The following PCDH9 variants were observed in gnomAD, a reference collection of about 807,000 sequenced individuals.
PCDH9 encodes the protein protocadherin 9.
In PCDH9, 24 loss-of-function variants were observed where a neutral mutation model predicts 70.6. The ratio of observed to expected loss-of-function variants is 0.34; its 90% CI spans 0.25 to 0.48. The LOEUF (loss-of-function observed/expected upper bound fraction) is 0.48. Among genes scored for constraint, PCDH9 ranks in the 20% least tolerant of loss-of-function variants. PCDH9 has a pLI of 0.99. For missense variants in PCDH9, 1,281 were observed against 1,503.6 expected, an observed-to-expected ratio of 0.85 and a Z score of 2.45; for synonymous variants, 562 against 558.5, an observed-to-expected ratio of 1.01 and a Z score of -0.09.
At chr13:66,800,757 C>T (rs1439359460) in intron 3 of PCDH9, among the ~76,000 whole-genome samples, 3 of 152,074 alleles carry the variant, frequency 2.0e-5, no homozygotes, top group Non-Finnish European at 4.4e-5. Context: ...GATTTTATAT[C>T]ACAATATAAG....
intron 4 of PCDH9, among the ~76,000 whole-genome samples, chr13:66,326,188 C>T (rs1427225011): frequency 6.6e-6 from 1 of 152,004 alleles, no homozygotes; most frequent in African/African-American, 2.4e-5. Context: ...TGGCTTAAAC[C>T]AGGACACAGG....
intron 2 of PCDH9, among the ~76,000 whole-genome samples, chr13:67,075,083 A>T (rs2085851966): frequency 6.6e-6 from 1 of 152,014 alleles, no homozygotes; most frequent in Non-Finnish European, 1.5e-5. Context: ...GTGACAAAAA[A>T]AAAAATGCAA....
chr13:67,067,372 T>A (rs1175729642), intron 2 of PCDH9, among the ~76,000 whole-genome samples: 1 of 152,140 alleles, frequency 6.6e-6, no homozygotes, highest in East Asian at 1.9e-4. Flanking sequence ...ATTGTATCAT[T>A]TTGATATGTA....
Position 66,872,879 on chromosome 13 carries a change from T to C in PCDH9, c.3138+30625A>G, listed in dbSNP as rs746597321. Among the ~76,000 whole-genome samples the C allele has an allele frequency of 5.9e-5, 9 of 152,208 alleles. No individual in the cohort carries two copies. In the South Asian group the frequency reaches 1.9e-3, roughly 32 times the overall value. On this transcript the variant is annotated intron_variant, in intron 3 of 4. Transcript: ENST00000377865. ...TTTTTGAGAAACAATACCTGTAAAC[T>C]TGGATTGTAGTGTCTGAAAGGATGA...
chr13:66,662,215 G>A (rs2078019342), intron 3 of PCDH9, among the ~76,000 whole-genome samples: 1 of 152,060 alleles, frequency 6.6e-6, no homozygotes, highest in African/African-American at 2.4e-5. Context: ...GCTCACCCCT[G>A]TAATCCTGGC....
intron 3 of PCDH9, among the ~76,000 whole-genome samples, chr13:66,871,023 T>C (rs959369012): frequency 1.3e-5 from 2 of 151,972 alleles, no homozygotes; most frequent in Non-Finnish European, 2.9e-5. Flanking sequence ...ATTAAGAAAA[T>C]GTGGCACATA....
chr13:66,910,588 T>C (rs2139617724), intron 2 of PCDH9, among the ~76,000 whole-genome samples: 1 of 152,308 alleles, frequency 6.6e-6, no homozygotes, highest in Non-Finnish European at 1.5e-5. Context: ...GATCTTAAAG[T>C]CCGAAGTAAT....
intron 4 of PCDH9, among the ~76,000 whole-genome samples, chr13:66,365,763 C>T (rs1956544409): frequency 6.6e-6 from 1 of 151,942 alleles, no homozygotes; most frequent in African/African-American, 2.4e-5. Context: ...GTCTTTAAAC[C>T]CCTAGTGTCT....
rs115251577 is a variant in PCDH9, at chr13:67,023,645, A to T, written c.3037-120040T>A. 3.5e-3 allele frequency among the ~76,000 whole-genome samples: 535 copies of T among 152,292 alleles called. 5 individuals are homozygous for T. Among genetic ancestry groups the T allele is most frequent in the African/African-American group, 0.012 (515 of 41,552 alleles). ...TAAATGAATGCTCTTGAAGTTTGGA[A>T]TCAACACGTATTCCTGGCACTTGAT... On this transcript the variant is annotated intron_variant, in intron 2 of 4. Coordinates refer to ENST00000377865, the MANE Select transcript of PCDH9 (RefSeq NM_203487.3).
chr13:67,222,029 G>A (rs1411389613), intron 2 of PCDH9: 1 of 152,126 alleles, frequency 6.6e-6, no homozygotes, highest in East Asian at 1.9e-4. Context: ...AGCCTCTGGG[G>A]TAGAACCCAA....
intron 2 of PCDH9, among the ~76,000 whole-genome samples, chr13:67,176,693 C>A (rs1180717319): frequency 3.3e-5 from 5 of 151,884 alleles, no homozygotes; most frequent in Non-Finnish European, 5.9e-5. Context: ...ATTATTTCCC[C>A]CCTCTTTATG....
chr13:67,057,622 T>C (rs2085448918), intron 2 of PCDH9, among the ~76,000 whole-genome samples: 1 of 152,124 alleles, frequency 6.6e-6, no homozygotes, highest in African/African-American at 2.4e-5. Flanking sequence ...CCAGATATAA[T>C]AAAGATTGAC....
intron 4 of PCDH9, among the ~76,000 whole-genome samples, chr13:66,560,003 A>G (rs1961936793): frequency 6.6e-6 from 1 of 151,778 alleles, no homozygotes; most frequent in East Asian, 1.9e-4. Context: ...ACAGAAATTA[A>G]AAGTTGAACA....
At chr13:66,391,520 A>G (rs969551731) in intron 4 of PCDH9, among the ~76,000 whole-genome samples, 3 of 152,180 alleles carry the variant, frequency 2.0e-5, no homozygotes, top group African/African-American at 7.2e-5. Flanking sequence ...GGAACTTGCC[A>G]ATGAATTTTA....
Position 66,395,973 on chromosome 13 carries a change from A to G in PCDH9, c.3341-90945T>C, listed in dbSNP as rs1593910114. On this transcript the variant is annotated intron_variant, in intron 4 of 4. Transcript: ENST00000377865. ...GTATGGATTGTGGAAGGATGATTTAAAAAGTATTTCTTTCCTCAAAGAAGA... is the reference window on the plus strand; with the variant it reads ...GTATGGATTGTGGAAGGATGATTTAGAAAGTATTTCTTTCCTCAAAGAAGA... Among the ~76,000 whole-genome samples, 3 of 152,226 alleles carry G rather than the reference A, an allele frequency of 2.0e-5. No homozygotes were observed. The East Asian group carries it at 5.8e-4, about 29-fold the overall frequency.
intron 3 of PCDH9, among the ~76,000 whole-genome samples, chr13:66,873,568 C>T (rs1169562225): frequency 1.3e-5 from 2 of 152,160 alleles, no homozygotes; most frequent in African/African-American, 2.4e-5. Context: ...CTCCTAATCT[C>T]CCTGTACAGG....
At chr13:66,469,469 G>C (rs947312117) in intron 4 of PCDH9, among the ~76,000 whole-genome samples, 1 of 115,840 alleles carries the variant, frequency 8.6e-6, no homozygotes, top group African/African-American at 2.9e-5. Context: ...AGGGAGGGAG[G>C]GGGGAAGGAA....
At chr13:66,389,108 C>T (rs1956977328) in intron 4 of PCDH9, among the ~76,000 whole-genome samples, 1 of 152,104 alleles carries the variant, frequency 6.6e-6, no homozygotes, top group African/African-American at 2.4e-5. Context: ...GAATCATGCA[C>T]AAAGTAAATT....
intron 4 of PCDH9, among the ~76,000 whole-genome samples, chr13:66,625,817 C>A (rs927153306): frequency 1.3e-5 from 2 of 152,114 alleles, no homozygotes; most frequent in East Asian, 3.9e-4. Flanking sequence ...CGCACCACCA[C>A]ACCTGGCTCA....
Sources: gnomAD v4.1 joint callset for allele counts (sites outside exome capture counted in the v4.1 genomes callset) on GRCh38, gnomAD v4.1.1 for gene constraint, MANE v1.5 for transcripts, NCBI Gene and HGNC (gene_info 2026-07-23, HGNC 2026-07-21) for gene names.